Variants in SLC25A16 observed in about 807,000 individuals in gnomAD.
SLC25A16 encodes the protein solute carrier family 25 member 16, also known as mitochondrial coenzyme A transporter SLC25A16.
SLC25A16 carries 39 observed loss-of-function variants against 41.5 expected under a neutral mutation model. The ratio of observed to expected loss-of-function variants is 0.94; its 90% CI spans 0.73 to 1.23. SLC25A16 has a LOEUF of 1.23. SLC25A16 is among the 50% of genes most tolerant of loss of function. The pLI, the probability that SLC25A16 is intolerant of heterozygous loss-of-function variation, is 0.00. For missense variants in SLC25A16, 421 were observed against 426.9 expected, an observed-to-expected ratio of 0.99 and a Z score of 0.12; for synonymous variants, 146 against 147.8, an observed-to-expected ratio of 0.99 and a Z score of 0.09.
At chr10:68,512,982 C>T (rs1177375409) in intron 2 of SLC25A16, among the ~76,000 whole-genome samples, 4 of 151,996 alleles carry the variant, frequency 2.6e-5, no homozygotes, top group East Asian at 1.9e-4. Context: ...GAGTTTGCAG[C>T]GAGTTGAGAT....
At position 68,488,656 on chromosome 10, in the gene SLC25A16, T is replaced by C. The variant is rs765554143; in HGVS notation, c.611-27A>G. On this transcript the variant is annotated intron_variant, in intron 6 of 8. Coordinates refer to ENST00000609923, the MANE Select transcript of SLC25A16 (RefSeq NM_152707.4). ...TGAAAAACAAAAAATAAATTCACCATGATGCTTAACATAACATGAGCTGTG... is the reference window on the plus strand; with the variant it reads ...TGAAAAACAAAAAATAAATTCACCACGATGCTTAACATAACATGAGCTGTG... The C allele has an allele frequency of 2.7e-5, 42 of 1,580,352 alleles. No homozygotes were observed. In the Admixed American group the frequency reaches 6.9e-4, roughly 26 times the overall value.
chr10:68,483,234 G>T lies in SLC25A16; in HGVS notation c.*198C>A, dbSNP rs2052505854. The stretch of plus-strand genomic sequence containing the variant: ...AGGAATATTTTCTTCAATGTTCTAA[G>T]GTATAATGTTTGGCATCAAAAAGTA... On this transcript the variant is annotated 3_prime_UTR_variant, in exon 9 of 9. Transcript: ENST00000609923. 6.3e-6 allele frequency: 3 copies of T among 475,928 alleles called. No individual in the cohort carries two copies. In the South Asian group the frequency reaches 1.2e-4, roughly 19 times the overall value. 29.5% of individuals were successfully genotyped at this position (475,928 alleles called of 1,614,324 possible). A position where few individuals can be genotyped will look rare whatever the true frequency, so the allele number is the denominator to read the frequency against.
rs2052456511 is a variant in SLC25A16, at chr10:68,478,988, C to T, written c.*4444G>A. ...GGCCAGGATGGTCTTGATCTCCTGA[C>T]CACGTGATCCGCCCACCTTGGCCTC... On this transcript the variant is annotated 3_prime_UTR_variant, in exon 9 of 9. Coordinates refer to ENST00000609923, the MANE Select transcript of SLC25A16 (RefSeq NM_152707.4). 2 of 152,160 alleles carry T rather than the reference C, an allele frequency of 1.3e-5. No individual in the cohort carries two copies. The highest frequency in any genetic ancestry group is 1.9e-4 in the East Asian group (1 of 5,162). 9.4% of individuals were successfully genotyped at this position (152,160 alleles called of 1,614,324 possible).
At chr10:68,498,556 C>T (rs4623780) in intron 4 of SLC25A16, among the ~76,000 whole-genome samples, 3,696 of 152,086 alleles carry the variant, frequency 0.024, 157 homozygotes, top group African/African-American at 0.084. Context: ...ATTAGCCAGG[C>T]GTGATGGCAT....
intron 2 of SLC25A16, among the ~76,000 whole-genome samples, chr10:68,511,391 C>A (rs1343386992): frequency 6.6e-6 from 1 of 152,126 alleles, no homozygotes; most frequent in Non-Finnish European, 1.5e-5. Context: ...TTTTATATGC[C>A]TTGTAGGGTA....
At chr10:68,520,739 G>C (rs1230510831) in intron 1 of SLC25A16, among the ~76,000 whole-genome samples, 1 of 149,934 alleles carries the variant, frequency 6.7e-6, no homozygotes, top group Non-Finnish European at 1.5e-5. Context: ...TTGAATCCAG[G>C]AGGCAGAGGT....
intron 4 of SLC25A16, among the ~76,000 whole-genome samples, chr10:68,495,100 A>G (rs2052728002): frequency 6.6e-6 from 1 of 151,752 alleles, no homozygotes; most frequent in South Asian, 2.1e-4. Flanking sequence ...TAGGCAACAT[A>G]GCAAAACTTC....
In SLC25A16 at chr10:68,527,450, G is replaced by A. The variant is rs993406560; in HGVS notation, c.-75C>T. 23 of 1,369,174 alleles carry A rather than the reference G, an allele frequency of 1.7e-5. No individual in the cohort carries two copies. The highest frequency in any genetic ancestry group is 6.6e-6 in the Non-Finnish European group (7 of 1,058,490). 84.8% of individuals were successfully genotyped at this position (1,369,174 alleles called of 1,614,324 possible). ...GGACGGGACCATAGCCGGAACAGGC[G>A]GTGACAGGAGGCTGACCGCCCCGCC... is the stretch of plus-strand genomic sequence containing the variant. On this transcript the variant is annotated 5_prime_UTR_variant, in exon 1 of 9. Coordinates refer to ENST00000609923, the MANE Select transcript of SLC25A16 (RefSeq NM_152707.4).
At chr10:68,495,127 T>C (rs1238106435) in intron 4 of SLC25A16, among the ~76,000 whole-genome samples, 1 of 151,882 alleles carries the variant, frequency 6.6e-6, no homozygotes, top group African/African-American at 2.4e-5. Flanking sequence ...ATTTAAAAAA[T>C]AGGCCGGATG....
At chr10:68,492,567 G>A (rs2052677836) in intron 6 of SLC25A16, among the ~76,000 whole-genome samples, 2 of 152,028 alleles carry the variant, frequency 1.3e-5, no homozygotes, top group Non-Finnish European at 2.9e-5. Flanking sequence ...TCGGGAGTTT[G>A]AGACCAGCCT....
chr10:68,492,351 C>T (rs1046899202), intron 6 of SLC25A16, among the ~76,000 whole-genome samples: 5 of 152,072 alleles, frequency 3.3e-5, no homozygotes, highest in African/African-American at 9.7e-5. Context: ...GAAGTATTGC[C>T]CAATTCTAGA....
intron 3 of SLC25A16, among the ~76,000 whole-genome samples, chr10:68,505,804 G>A (rs189989735): frequency 5.6e-4 from 85 of 152,210 alleles, no homozygotes; most frequent in African/African-American, 1.9e-3. Flanking sequence ...GGAGACGGAG[G>A]CGGGTGGATC....
chr10:68,520,258 A>G (rs1215682808), intron 1 of SLC25A16, among the ~76,000 whole-genome samples: 1 of 151,966 alleles, frequency 6.6e-6, no homozygotes, highest in African/African-American at 2.4e-5. Flanking sequence ...CACCCAGCCT[A>G]TTTAATAGTA....
intron 1 of SLC25A16, among the ~76,000 whole-genome samples, chr10:68,519,252 G>A (rs1415008986): frequency 1.3e-5 from 2 of 152,012 alleles, no homozygotes; most frequent in East Asian, 1.9e-4. Flanking sequence ...ACTTTGGGAG[G>A]CCGAGGTGGG....
chr10:68,527,211 C>G, intron 1 of SLC25A16, 35 bp downstream of exon 1: 3 of 1,542,046 alleles, frequency 1.9e-6, no homozygotes, highest in Non-Finnish European at 2.6e-6. Flanking sequence ...CCCCGCCACT[C>G]AGAGCGCGGC....
chr10:68,488,998 G>A (rs1401515662), intron 6 of SLC25A16, among the ~76,000 whole-genome samples: 2 of 152,168 alleles, frequency 1.3e-5, no homozygotes, highest in Admixed American at 6.6e-5. Context: ...GGCCGGGCGT[G>A]GTGGCTCACA....
intron 7 of SLC25A16, among the ~76,000 whole-genome samples, chr10:68,487,631 T>C (rs896203630): frequency 1.3e-5 from 2 of 152,208 alleles, no homozygotes; most frequent in Non-Finnish European, 2.9e-5. Flanking sequence ...CCCTGACCTC[T>C]TCCCACTAGA....
intron 3 of SLC25A16, among the ~76,000 whole-genome samples, chr10:68,503,962 A>G (rs1352160646): frequency 6.7e-6 from 1 of 150,100 alleles, no homozygotes; most frequent in Non-Finnish European, 1.5e-5. Flanking sequence ...GATACTGTGT[A>G]TTAAGGAACA....
At chr10:68,521,640 C>T (rs1054398489) in intron 1 of SLC25A16, among the ~76,000 whole-genome samples, 2 of 135,366 alleles carry the variant, frequency 1.5e-5, no homozygotes, top group East Asian at 2.3e-4. Context: ...GTCGCCCAGG[C>T]TGGAGTGCAG....
Sources: gnomAD v4.1 joint callset for allele counts (sites outside exome capture counted in the v4.1 genomes callset) on GRCh38, gnomAD v4.1.1 for gene constraint, MANE v1.5 for transcripts, NCBI Gene and HGNC (gene_info 2026-07-23, HGNC 2026-07-21) for gene names.